The following PLCG2 variants were observed in gnomAD, a reference collection of about 807,000 sequenced individuals.
PLCG2 encodes the protein 1-phosphatidylinositol 4,5-bisphosphate phosphodiesterase gamma-2.
PLCG2 carries 69 observed loss-of-function variants against 175.6 expected under a neutral mutation model. That is an observed-to-expected ratio of 0.39 (90% CI 0.32 to 0.48). PLCG2 has a LOEUF of 0.48. Among genes scored for constraint, PLCG2 ranks in the 20% least tolerant of loss-of-function variants. The pLI, the probability that PLCG2 is intolerant of heterozygous loss-of-function variation, is 0.91. For missense variants in PLCG2, 1,798 were observed against 1,650.9 expected (o/e 1.09, Z -1.54); for synonymous variants, 827 against 624.0 (o/e 1.33, Z -4.85).
chr16:81,930,013 G>C (rs4888190), intron 24 of PLCG2, among the ~76,000 whole-genome samples: 1 of 151,926 alleles, frequency 6.6e-6, no homozygotes, highest in South Asian at 2.1e-4. Flanking sequence ...TTCCACATGT[G>C]ACTTTCTCTT....
At chr16:81,750,971 C>CG (rs1909800691) in intron 1 of PLCG2, among the ~76,000 whole-genome samples, 15 of 41,740 alleles carry the variant, frequency 3.6e-4, no homozygotes, top group South Asian at 3.0e-3. Context: ...CCGCACCCAG[C>CG]TTTTTTTTTT....
chr16:81,825,062 T>C (rs1445178692), intron 2 of PLCG2, among the ~76,000 whole-genome samples: 1 of 152,200 alleles, frequency 6.6e-6, no homozygotes, highest in African/African-American at 2.4e-5. Context: ...GATTCCCCCT[T>C]GGAGCCTCCA....
At chr16:81,910,410 G>A in intron 17 of PLCG2, 110 bp from the exon 18 acceptor site, 1 of 924,190 alleles carries the variant, frequency 1.1e-6, no homozygotes, top group East Asian at 2.5e-5. Flanking sequence ...TGTTCTAGGA[G>A]CAGAGGGAAG....
At chr16:81,780,396 T>A (rs1029321504) in intron 1 of PLCG2, among the ~76,000 whole-genome samples, 10 of 152,168 alleles carry the variant, frequency 6.6e-5, no homozygotes, top group African/African-American at 2.2e-4. Context: ...CTTGGGCAGT[T>A]CCTGACTCTC....
At chr16:81,854,938 C>G (rs886128079) in intron 3 of PLCG2, among the ~76,000 whole-genome samples, 1 of 152,092 alleles carries the variant, frequency 6.6e-6, no homozygotes, top group Non-Finnish European at 1.5e-5. Flanking sequence ...AAAATGTACG[C>G]TGGGCTCATC....
chr16:81,943,731 C>G (rs1001699204), intron 30 of PLCG2, among the ~76,000 whole-genome samples: 3 of 152,196 alleles, frequency 2.0e-5, no homozygotes, highest in South Asian at 2.1e-4. Context: ...AATTCTGAGT[C>G]TCTATCAAGG....
intron 1 of PLCG2, among the ~76,000 whole-genome samples, chr16:81,741,438 A>G (rs1909592332): frequency 6.6e-6 from 1 of 152,084 alleles, no homozygotes; most frequent in South Asian, 2.1e-4. Flanking sequence ...TTCCGTCAAA[A>G]ATTTTTGCCC....
At chr16:81,781,887 C>A (rs1294021579) in intron 1 of PLCG2, among the ~76,000 whole-genome samples, 3 of 144,374 alleles carry the variant, frequency 2.1e-5, no homozygotes, top group Middle Eastern at 3.5e-3. Context: ...CCCGCCCGCC[C>A]CCGAGACGGA....
chr16:81,913,144 A>G (rs546551315), intron 19 of PLCG2, among the ~76,000 whole-genome samples: 2 of 152,292 alleles, frequency 1.3e-5, no homozygotes, highest in South Asian at 4.1e-4. Context: ...GCTGCTGCCC[A>G]ACCACCTCTA....
rs148600529 is a variant in PLCG2 at position 81,879,580 on chromosome 16, G to T, written c.649-1330G>T. 3.9e-5 allele frequency among the ~76,000 whole-genome samples: 6 copies of T among 152,262 alleles called. No individual in the cohort carries two copies. The East Asian group carries it at 1.2e-3, about 29-fold the overall frequency. ...GATAGTCCCCATGACGTCCTGGGCT[G>T]CAAGGAGTTCAGCAAGAGGACCCTG... On this transcript the variant is annotated intron_variant, in intron 7 of 32. Coordinates refer to ENST00000564138, the MANE Select transcript of PLCG2 (RefSeq NM_002661.5).
chr16:81,902,693 G>A (rs546283767), intron 14 of PLCG2, among the ~76,000 whole-genome samples: 3 of 151,898 alleles, frequency 2.0e-5, no homozygotes, highest in Non-Finnish European at 4.4e-5. Flanking sequence ...CTACCCTCAT[G>A]ACCTAATCAC....
At position 81,853,504 on chromosome 16, in the gene PLCG2, G is replaced by A. The variant is rs184079707; in HGVS notation, c.194-940G>A. ...GGGGGGATTGCTTTAGGATAAAACTGTTCTACTTCAGATCATCAGGCATTA... is the reference window on the plus strand; with the variant it reads ...GGGGGGATTGCTTTAGGATAAAACTATTCTACTTCAGATCATCAGGCATTA... On this transcript the variant is annotated intron_variant, in intron 2 of 32. Coordinates refer to ENST00000564138, the MANE Select transcript of PLCG2 (RefSeq NM_002661.5). 1.0e-3 allele frequency among the ~76,000 whole-genome samples: 159 copies of A among 152,264 alleles called. 1 individual carries two copies. The highest frequency in any genetic ancestry group is 3.6e-3 in the African/African-American group (149 of 41,550).
intron 2 of PLCG2, among the ~76,000 whole-genome samples, chr16:81,788,100 G>A (rs1193542096): frequency 6.6e-6 from 1 of 152,048 alleles, no homozygotes; most frequent in Non-Finnish European, 1.5e-5. Context: ...GGAATTGCTG[G>A]GTCATACACT....
rs377704915 is a variant in PLCG2, at chr16:81,880,895, T to C, written c.649-15T>C. ...TGTCTAAGGTTCTTTTTTTTGTGTG[T>C]GCTTTCCATTTCAGATTCTCGATGA... On this transcript the variant is annotated splice_polypyrimidine_tract_variant and intron_variant, in intron 7 of 32. Coordinates refer to ENST00000564138, the MANE Select transcript of PLCG2 (RefSeq NM_002661.5). The C allele has an allele frequency of 6.8e-6, 11 of 1,613,698 alleles. No individual in the cohort carries two copies. In the African/African-American group the frequency reaches 1.3e-4, roughly 20 times the overall value.
At chr16:81,953,424 C>T (rs1382636706) in intron 31 of PLCG2, among the ~76,000 whole-genome samples, 3 of 151,978 alleles carry the variant, frequency 2.0e-5, no homozygotes, top group Admixed American at 6.6e-5. Flanking sequence ...TTTTTGTAAG[C>T]TTAAGCTTCC....
At chr16:81,763,838 G>A (rs1253685674) in intron 2 of PLCG2, among the ~76,000 whole-genome samples, 1 of 151,620 alleles carries the variant, frequency 6.6e-6, no homozygotes, top group African/African-American at 2.4e-5. Context: ...GTGGTGGCAG[G>A]CACTTGTAAT....
At chr16:81,772,238 G>A (rs1180376216) in intron 2 of PLCG2, among the ~76,000 whole-genome samples, 1 of 152,112 alleles carries the variant, frequency 6.6e-6, no homozygotes, top group Admixed American at 6.5e-5. Flanking sequence ...AGAAGACAGA[G>A]GCAGAGTTAG....
chr16:81,778,016 C>CAAAAAAAAAAAAAAAAAA (rs753644088), upstream of PLCG2, among the ~76,000 whole-genome samples: 3 of 49,080 alleles, frequency 6.1e-5, no homozygotes, highest in Admixed American at 2.3e-4. Flanking sequence ...GACTTTGTCT[C>CAAAAAAAAAAAAAAAAAA]AAAAAAAAAA....
rs79911174 is a variant in PLCG2, at chr16:81,895,596, A to G, written c.1073-211A>G. ...AAATGAAAAAAAAAGCAGCATTGAA[A>G]CTAGCTTGTCTTGGACAGCTGCACT... On this transcript the variant is annotated intron_variant, in intron 12 of 32. Coordinates refer to ENST00000564138, the MANE Select transcript of PLCG2 (RefSeq NM_002661.5). The G allele has an allele frequency of 1.3e-3, 676 of 502,940 alleles. 5 individuals are homozygous for G. Among genetic ancestry groups the G allele is most frequent in the African/African-American group, 0.012 (628 of 51,650 alleles). The allele number at this position is 502,940 out of a possible 1,614,324, so 31.2% of individuals were successfully genotyped here. A position where few individuals can be genotyped will look rare whatever the true frequency, so the allele number is the denominator to read the frequency against.
Sources: allele counts gnomAD v4.1 joint callset (sites outside exome capture counted in the v4.1 genomes callset), GRCh38; gene constraint gnomAD v4.1.1; transcripts MANE v1.5; gene names NCBI Gene and HGNC (gene_info 2026-07-23, HGNC 2026-07-21).